The following CCDC85A variants were observed in gnomAD, a reference collection of about 807,000 sequenced individuals.
The protein encoded by CCDC85A is coiled-coil domain-containing protein 85A.
Under a neutral mutation model 50.2 loss-of-function variants are expected in CCDC85A, and 38 were observed. The observed-to-expected ratio is 0.76, with a 90% CI of 0.58 to 0.99. The LOEUF (loss-of-function observed/expected upper bound fraction) is 0.99, where lower values mean the gene tolerates loss of function less well. Ranked by LOEUF, CCDC85A falls within the 50% of genes least tolerant of loss-of-function variation. The probability of loss-of-function intolerance (pLI) is 0.00; values close to 1 mark genes in which losing one functional copy is unlikely to be tolerated. For synonymous variants in CCDC85A, 366 were observed against 301.4 expected (o/e 1.21, Z -2.22); for missense variants, 820 against 742.0 (o/e 1.11, Z -1.22).
intron 2 of CCDC85A, among the ~76,000 whole-genome samples, chr2:56,285,555 A>G (rs1386275650): frequency 6.9e-6 from 1 of 145,806 alleles, no homozygotes; most frequent in Admixed American, 7.0e-5. Flanking sequence ...ATAATATAAC[A>G]TAATATATAA....
chr2:56,355,361 T>C lies in CCDC85A; in HGVS notation c.1317+12406T>C, dbSNP rs546303464. Among the ~76,000 whole-genome samples, 44 of 152,292 alleles carry C rather than the reference T, an allele frequency of 2.9e-4. 1 individual carries two copies. The highest frequency in any genetic ancestry group is 1.1e-3 in the African/African-American group (44 of 41,558). ...AGACAGTCTGTTCAGAATTTTTTTT[T>C]CCCTTTGAAAGCACTGTATTCTTCT... On this transcript the variant is annotated intron_variant, in intron 3 of 5. Transcript: ENST00000407595.
At chr2:56,364,790 C>A (rs1320757973) in intron 3 of CCDC85A, among the ~76,000 whole-genome samples, 2 of 152,164 alleles carry the variant, frequency 1.3e-5, no homozygotes, top group African/African-American at 4.8e-5. Flanking sequence ...GCCCTCTAAT[C>A]CATCAATATT....
rs59099834 is a variant in CCDC85A at position 56,206,394 on chromosome 2, A to G, written c.1240+12954A>G. ...TTTTGTGTTGCTATTCCAGAATACC[A>G]CAGACTGGATAATTAATAATGAACA... On this transcript the variant is annotated intron_variant, in intron 2 of 5. Transcript: ENST00000407595. 4.1e-3 allele frequency among the ~76,000 whole-genome samples: 619 copies of G among 152,256 alleles called. 5 individuals are homozygous for G. Among genetic ancestry groups the G allele is most frequent in the African/African-American group, 0.014 (600 of 41,546 alleles).
At chr2:56,266,982 G>C (rs1364914079) in intron 2 of CCDC85A, among the ~76,000 whole-genome samples, 1 of 152,062 alleles carries the variant, frequency 6.6e-6, no homozygotes, top group African/African-American at 2.4e-5. Flanking sequence ...AGATATTTGT[G>C]GTTTTTCTAT....
chr2:56,220,983 C>T (rs1302781111), intron 2 of CCDC85A, among the ~76,000 whole-genome samples: 1 of 152,010 alleles, frequency 6.6e-6, no homozygotes, highest in Non-Finnish European at 1.5e-5. Context: ...CCCGTCAGTA[C>T]CACATTTGGC....
chr2:56,351,689 T>C (rs1472708241), intron 3 of CCDC85A, among the ~76,000 whole-genome samples: 562 of 123,830 alleles, frequency 4.5e-3, no homozygotes, highest in African/African-American at 0.012. Flanking sequence ...GCCCACTTTT[T>C]GATGGGGTTG....
intron 2 of CCDC85A, among the ~76,000 whole-genome samples, chr2:56,243,190 G>A (rs1011231349): frequency 1.3e-5 from 2 of 151,996 alleles, no homozygotes; most frequent in African/African-American, 4.8e-5. Flanking sequence ...TGTTTGAGAA[G>A]TTCTCTGTTA....
At chr2:56,330,248 A>C (rs1000695088) in intron 2 of CCDC85A, among the ~76,000 whole-genome samples, 3 of 152,120 alleles carry the variant, frequency 2.0e-5, no homozygotes, top group Admixed American at 2.0e-4. Context: ...TTTTCCGTAT[A>C]GTCCCCAGTT....
chr2:56,299,490 G>A (rs965579117), intron 2 of CCDC85A, among the ~76,000 whole-genome samples: 1 of 152,138 alleles, frequency 6.6e-6, no homozygotes, highest in African/African-American at 2.4e-5. Context: ...CTGTTCTGGA[G>A]CCCAGACGTC....
chr2:56,318,602 A>C (rs1345764924), intron 2 of CCDC85A, among the ~76,000 whole-genome samples: 1 of 152,142 alleles, frequency 6.6e-6, no homozygotes, highest in African/African-American at 2.4e-5. Context: ...TTGCATAAAT[A>C]TACTGTTTAT....
intron 2 of CCDC85A, among the ~76,000 whole-genome samples, chr2:56,224,529 C>T (rs1211744464): frequency 6.6e-6 from 1 of 152,114 alleles, no homozygotes; most frequent in African/African-American, 2.4e-5. Context: ...TGAGAACCTG[C>T]CAGTTGTTTT....
intron 4 of CCDC85A, among the ~76,000 whole-genome samples, chr2:56,373,807 A>G (rs1368976782): frequency 6.6e-6 from 1 of 152,214 alleles, no homozygotes; most frequent in Admixed American, 6.5e-5. Context: ...AAAAGCATTC[A>G]TAAGAGTGGT....
At chr2:56,248,725 G>A (rs79911864) in intron 2 of CCDC85A, among the ~76,000 whole-genome samples, 4,764 of 152,202 alleles carry the variant, frequency 0.031, 238 homozygotes, top group African/African-American at 0.11. Flanking sequence ...AGCACTTTAC[G>A]TGGCAGGGCT....
chr2:56,369,360 G>C (rs1416545978), intron 3 of CCDC85A, among the ~76,000 whole-genome samples: 1 of 152,100 alleles, frequency 6.6e-6, no homozygotes, highest in Non-Finnish European at 1.5e-5. Flanking sequence ...AGTTTGAAGA[G>C]AAAATGTTGC....
chr2:56,282,470 T>G (rs900870411), intron 2 of CCDC85A, among the ~76,000 whole-genome samples: 2 of 152,240 alleles, frequency 1.3e-5, no homozygotes, highest in African/African-American at 4.8e-5. Context: ...TGTGTCTATA[T>G]ATTTTAATAA....
At chr2:56,343,561 A>G (rs577445943) in intron 3 of CCDC85A, among the ~76,000 whole-genome samples, 2 of 152,274 alleles carry the variant, frequency 1.3e-5, no homozygotes, top group African/African-American at 4.8e-5. Flanking sequence ...AATTCTTTCC[A>G]TGGGCTGTTA....
chr2:56,369,366 G>T, intron 3 of CCDC85A, among the ~76,000 whole-genome samples: 1 of 152,110 alleles, frequency 6.6e-6, no homozygotes, highest in Admixed American at 6.6e-5. Flanking sequence ...AAGAGAAAAT[G>T]TTGCAGATGT....
intron 2 of CCDC85A, among the ~76,000 whole-genome samples, chr2:56,313,434 T>C (rs1477954768): frequency 6.6e-6 from 1 of 152,116 alleles, no homozygotes; most frequent in African/African-American, 2.4e-5. Flanking sequence ...ACTGATACCT[T>C]GATTTGCATC....
chr2:56,255,687 A>G (rs1669953527), intron 2 of CCDC85A, among the ~76,000 whole-genome samples: 1 of 152,122 alleles, frequency 6.6e-6, no homozygotes, highest in African/African-American at 2.4e-5. Context: ...GTCATTGATG[A>G]TCTTCTAGGA....
Sources: allele counts gnomAD v4.1 joint callset (sites outside exome capture counted in the v4.1 genomes callset), GRCh38; gene constraint gnomAD v4.1.1; transcripts MANE v1.5; gene names NCBI Gene and HGNC (gene_info 2026-07-23, HGNC 2026-07-21).